The following LGR4 variants were observed in gnomAD, a reference collection of about 807,000 sequenced individuals.
LGR4 encodes leucine-rich repeat-containing G protein-coupled receptor 4.
A neutral mutation model predicts 84.8 loss-of-function variants in LGR4; 44 were observed. That is an observed-to-expected ratio of 0.52 (90% CI 0.41 to 0.67). LGR4 has a LOEUF of 0.67. LGR4 is among the 30% of genes least tolerant of loss of function. The probability of loss-of-function intolerance (pLI) is 0.00; values close to 1 mark genes in which losing one functional copy is unlikely to be tolerated. For missense variants in LGR4, 1,032 were observed against 1,131.4 expected, an observed-to-expected ratio of 0.91 and a Z score of 1.26; for synonymous variants, 429 against 434.3, an observed-to-expected ratio of 0.99 and a Z score of 0.15.
At chr11:27,402,772 T>C (rs1331237461) in intron 2 of LGR4, among the ~76,000 whole-genome samples, 1 of 152,172 alleles carries the variant, frequency 6.6e-6, no homozygotes, top group Admixed American at 6.6e-5. Flanking sequence ...TAAAGAAAGC[T>C]GGCTACTGGG....
chr11:27,402,359 A>G (rs1863520074), intron 2 of LGR4, among the ~76,000 whole-genome samples: 1 of 152,102 alleles, frequency 6.6e-6, no homozygotes, highest in Admixed American at 6.6e-5. Context: ...TGAATATTCT[A>G]TGTGGAGTGA....
chr11:27,391,050 C>A, intron 4 of LGR4, 44 bp downstream of exon 4: 1 of 1,065,270 alleles, frequency 9.4e-7, no homozygotes, highest in East Asian at 2.4e-5. Context: ...CTTTAACAGC[C>A]AGAGTAGTCT....
At chr11:27,402,777 A>G (rs928290819) in intron 2 of LGR4, among the ~76,000 whole-genome samples, 2 of 152,204 alleles carry the variant, frequency 1.3e-5, no homozygotes, top group African/African-American at 4.8e-5. Flanking sequence ...AAAGCTGGCT[A>G]CTGGGAACTA....
intron 2 of LGR4, among the ~76,000 whole-genome samples, chr11:27,402,383 C>T (rs1263534735): frequency 6.7e-6 from 1 of 149,600 alleles, no homozygotes; most frequent in South Asian, 2.1e-4. Flanking sequence ...CAGGATGGTA[C>T]AGACCCTCCT....
intron 3 of LGR4, among the ~76,000 whole-genome samples, chr11:27,391,940 C>T (rs139829208): frequency 1.4e-3 from 210 of 152,268 alleles, no homozygotes; most frequent in African/African-American, 4.8e-3. Flanking sequence ...GCAGTCAGTT[C>T]ACCTGTTTCC....
rs769513710 is a variant in LGR4, at chr11:27,378,712, T to C, written c.1028A>G (p.Lys343Arg). The C allele has an allele frequency of 1.2e-6, 2 of 1,610,152 alleles. No individual in the cohort carries two copies. Among genetic ancestry groups the C allele is most frequent in the African/African-American group, 2.7e-5 (2 of 74,968 alleles). The change falls in exon 11 of 18, where the codon AAG becomes AGG. Residue 343 changes from lysine (K) to arginine (R), a missense_variant. Physicochemically the swap from Lys to Arg is conservative, Grantham distance 26. Coordinates refer to ENST00000379214, the MANE Select transcript of LGR4 (RefSeq NM_018490.5). ...SIPNNLCQEQKMLRTLDLSYN... is the reference protein window; with the variant it reads ...SIPNNLCQEQRMLRTLDLSYN... ...TCCAACTTACAAAGTCCTAAGCATC[T>C]TTTGTTCTTGACACAAATTATTAGG...
intron 1 of LGR4, among the ~76,000 whole-genome samples, chr11:27,414,495 A>G (rs1286557192): frequency 6.6e-6 from 1 of 152,148 alleles, no homozygotes; most frequent in Non-Finnish European, 1.5e-5. Flanking sequence ...AGCACAAGAA[A>G]TTTCCCTTTA....
At chr11:27,450,049 A>G (rs4923445) in intron 1 of LGR4, among the ~76,000 whole-genome samples, 23,002 of 152,200 alleles carry the variant, frequency 0.15, 1,950 homozygotes, top group South Asian at 0.24. Flanking sequence ...AGTCTGATGA[A>G]TGTGATATTC....
chr11:27,387,992 G>A (rs1315939835), intron 4 of LGR4, among the ~76,000 whole-genome samples: 2 of 152,042 alleles, frequency 1.3e-5, no homozygotes, highest in Non-Finnish European at 2.9e-5. Flanking sequence ...TAGAAAACTA[G>A]GTGAGTTTTG....
At chr11:27,414,090 C>T (rs945978477) in intron 1 of LGR4, among the ~76,000 whole-genome samples, 5 of 152,126 alleles carry the variant, frequency 3.3e-5, no homozygotes, top group Admixed American at 1.3e-4. Context: ...GGTAAGACTA[C>T]ATAGAAAATC....
At chr11:27,451,783 C>A (rs1461474522) in intron 1 of LGR4, among the ~76,000 whole-genome samples, 2 of 152,186 alleles carry the variant, frequency 1.3e-5, no homozygotes, top group Non-Finnish European at 2.9e-5. Context: ...AATTCACAGG[C>A]AGAGATCCAA....
Position 27,377,210 on chromosome 11 carries a change from T to C in LGR4, c.1057A>G (p.Asn353Asp). ...AAACTTGGAAGGTCTCTTATATTATTGTAAGACAAGTCCCTTAAAACAATG... is the reference window on the plus strand; with the variant it reads ...AAACTTGGAAGGTCTCTTATATTATCGTAAGACAAGTCCCTTAAAACAATG... ...KMLRTLDLSY[N>D]NIRDLPSFNG... Residue 353 changes from asparagine (N) to aspartate (D), a missense_variant, in exon 12 of 18, where the codon AAT becomes GAT. Physicochemically the swap from Asn to Asp is conservative, Grantham distance 23. Coordinates refer to ENST00000379214, the MANE Select transcript of LGR4 (RefSeq NM_018490.5). The C allele has an allele frequency of 6.4e-7, 1 of 1,558,544 alleles. No homozygotes were observed. The highest frequency in any genetic ancestry group is 8.8e-7 in the Non-Finnish European group (1 of 1,133,252).
At chr11:27,406,502 G>C (rs1227809401) in intron 2 of LGR4, among the ~76,000 whole-genome samples, 1 of 152,198 alleles carries the variant, frequency 6.6e-6, no homozygotes, top group Non-Finnish European at 1.5e-5. Context: ...AGCTCACAGA[G>C]TTTTATGAGT....
At chr11:27,457,031 C>G (rs1449975114) in intron 1 of LGR4, among the ~76,000 whole-genome samples, 1 of 151,910 alleles carries the variant, frequency 6.6e-6, no homozygotes, top group African/African-American at 2.4e-5. Flanking sequence ...TGTCAAATAT[C>G]TAAGCAAACT....
At chr11:27,436,115 G>C (rs1342228323) in intron 1 of LGR4, among the ~76,000 whole-genome samples, 1 of 151,790 alleles carries the variant, frequency 6.6e-6, no homozygotes, top group African/African-American at 2.4e-5. Flanking sequence ...GTTTCACCGT[G>C]TTAGCCAGGA....
chr11:27,437,698 T>C (rs960395657), intron 1 of LGR4, among the ~76,000 whole-genome samples: 3 of 151,320 alleles, frequency 2.0e-5, no homozygotes, highest in African/African-American at 7.3e-5. Flanking sequence ...TGTGTGTGTG[T>C]TTATGCTAAA....
At chr11:27,388,899 TA>T (rs1394726850) in intron 4 of LGR4, among the ~76,000 whole-genome samples, 2 of 152,160 alleles carry the variant, frequency 1.3e-5, no homozygotes, top group Non-Finnish European at 2.9e-5. Context: ...CATGTCATTT[TA>T]ATACCCTGCT....
At chr11:27,392,007 C>T (rs113584972) in intron 3 of LGR4, among the ~76,000 whole-genome samples, 10 of 152,296 alleles carry the variant, frequency 6.6e-5, no homozygotes, top group Admixed American at 6.5e-5. Context: ...CCTCACCATT[C>T]GCTGGCTATA....
chr11:27,368,451 T>C lies in LGR4; in HGVS notation c.2272A>G (p.Ile758Val), dbSNP rs759910528. Residue 758 changes from isoleucine (I) to valine (V), a missense_variant, in exon 18 of 18, where the codon ATC (isoleucine) becomes GTC (valine). Transcript: ENST00000379214. ...AAAAACGCCACAGGGCAGAAAAAGA[T>C]GCAATTGGTGAAGATTAGCCAAGCG... The part of the protein sequence containing the change: ...HVAWLIFTNC[I>V]FFCPVAFFSF... The C allele has an allele frequency of 3.7e-6, 6 of 1,614,210 alleles. No individual in the cohort carries two copies. Among genetic ancestry groups the C allele is most frequent in the Non-Finnish European group, 5.1e-6 (6 of 1,180,028 alleles).
Sources: allele counts gnomAD v4.1 joint callset (sites outside exome capture counted in the v4.1 genomes callset), GRCh38; gene constraint gnomAD v4.1.1; transcripts MANE v1.5; gene names NCBI Gene and HGNC (gene_info 2026-07-23, HGNC 2026-07-21).